SUGCT: variants seen among roughly 807,000 people sequenced by gnomAD.
SUGCT encodes succinyl-CoA:glutarate-CoA transferase.
In SUGCT, 41 loss-of-function variants were observed where a neutral mutation model predicts 55.0. That is an observed-to-expected ratio of 0.74 (90% confidence interval 0.58 to 0.97). The LOEUF is 0.97. SUGCT is among the 50% of genes least tolerant of loss of function. SUGCT has a pLI of 0.00. For missense variants in SUGCT, 568 were observed against 547.8 expected, an observed-to-expected ratio of 1.04 and a Z score of -0.37; for synonymous variants, 187 against 200.4, an observed-to-expected ratio of 0.93 and a Z score of 0.56.
At chr7:40,512,183 C>T (rs986595176) in intron 12 of SUGCT, among the ~76,000 whole-genome samples, 9 of 152,172 alleles carry the variant, frequency 5.9e-5, no homozygotes, top group African/African-American at 2.2e-4. Flanking sequence ...AATGGTGTAT[C>T]ACCAAAATTG....
intron 9 of SUGCT, among the ~76,000 whole-genome samples, chr7:40,328,895 G>A (rs1247074558): frequency 1.3e-5 from 2 of 152,162 alleles, no homozygotes; most frequent in Non-Finnish European, 2.9e-5. Context: ...TGGAGGCCTA[G>A]GTGGGAAGAG....
At chr7:40,155,458 G>A (rs763717341) in intron 1 of SUGCT, among the ~76,000 whole-genome samples, 19 of 152,052 alleles carry the variant, frequency 1.2e-4, no homozygotes, top group African/African-American at 3.9e-4. Context: ...GACACTGCTC[G>A]TTTTTGTGAG....
chr7:40,843,918 A>G (rs1164884515), intron 13 of SUGCT, among the ~76,000 whole-genome samples: 1 of 152,124 alleles, frequency 6.6e-6, no homozygotes, highest in East Asian at 1.9e-4. Context: ...GCTGGTAGTG[A>G]TATTTCCCTT....
chr7:40,489,642 C>T (rs542210251), intron 11 of SUGCT, among the ~76,000 whole-genome samples: 10 of 152,168 alleles, frequency 6.6e-5, no homozygotes, highest in Non-Finnish European at 1.3e-4. Context: ...GATCACACCA[C>T]TGCACTCTAG....
chr7:40,439,881 A>T (rs183686571), intron 9 of SUGCT, among the ~76,000 whole-genome samples: 2 of 152,252 alleles, frequency 1.3e-5, no homozygotes, highest in East Asian at 3.9e-4. Context: ...ATTCATGTCA[A>T]ACTGCATTCT....
At chr7:40,912,091 A>G in the SUGCT span, among the ~76,000 whole-genome samples, 5 of 152,058 alleles carry the variant, frequency 3.3e-5, no homozygotes, top group Middle Eastern at 3.4e-3. Flanking sequence ...GGAATAGAGG[A>G]TGCTTCACTT....
intron 7 of SUGCT, among the ~76,000 whole-genome samples, chr7:40,264,426 C>CAA (rs1313018571): frequency 4.6e-5 from 7 of 152,068 alleles, no homozygotes; most frequent in Admixed American, 3.9e-4. Context: ...TTTTTAGTAT[C>CAA]AATTAGTGGT....
chr7:40,361,062 T>C (rs1445260667), intron 9 of SUGCT, among the ~76,000 whole-genome samples: 1 of 152,138 alleles, frequency 6.6e-6, no homozygotes, highest in Admixed American at 6.5e-5. Context: ...CTTAGGTGTT[T>C]TACTTCAGCC....
At chr7:40,998,460 G>A in the SUGCT span, among the ~76,000 whole-genome samples, 1 of 152,112 alleles carries the variant, frequency 6.6e-6, no homozygotes, top group East Asian at 1.9e-4. Flanking sequence ...GAACAAGGAT[G>A]ACATGAAAAA....
intron 9 of SUGCT, among the ~76,000 whole-genome samples, chr7:40,391,661 T>G (rs998455554): frequency 2.0e-5 from 3 of 152,188 alleles, no homozygotes; most frequent in Admixed American, 6.5e-5. Context: ...TGTGGAGAAA[T>G]AGGAACACTT....
chr7:40,867,252 T>A, the SUGCT span, among the ~76,000 whole-genome samples: 1 of 149,954 alleles, frequency 6.7e-6, no homozygotes, highest in Admixed American at 6.7e-5. Context: ...ATATAATATA[T>A]GATATATATA....
At position 40,663,480 on chromosome 7, in the gene SUGCT, G is replaced by GGTGT. The variant is rs1284850752; in HGVS notation, c.1090-85953_1090-85950dup. Among the ~76,000 whole-genome samples the GGTGT allele has an allele frequency of 1.5e-3, 210 of 136,426 alleles. 1 individual carries two copies. Among genetic ancestry groups the GGTGT allele is most frequent in the African/African-American group, 6.2e-3 (203 of 32,804 alleles). The allele number at this position is 136,426 out of a possible 152,430, so 89.5% of individuals were successfully genotyped here. Reference sequence around the variant, plus strand: ...CACTATATTCACCAAATTACTTTGTGGTGTATGTGTGTGTGTGTGTGTGTG... The same window carrying GGTGT: ...CACTATATTCACCAAATTACTTTGTGGTGTGTGTATGTGTGTGTGTGTGTGTGTG... On this transcript the variant is annotated intron_variant, in intron 12 of 13. Coordinates refer to ENST00000335693, the MANE Select transcript of SUGCT (RefSeq NM_001193313.2).
chr7:40,646,097 A>G (rs552061187), intron 12 of SUGCT, among the ~76,000 whole-genome samples: 2 of 152,292 alleles, frequency 1.3e-5, no homozygotes, highest in South Asian at 4.1e-4. Flanking sequence ...TGACCCCACC[A>G]GCCAGCCATT....
chr7:40,288,039 A>C (rs1320324398), intron 8 of SUGCT, among the ~76,000 whole-genome samples: 3 of 152,110 alleles, frequency 2.0e-5, no homozygotes, highest in Admixed American at 2.0e-4. Flanking sequence ...CAGTTGGTCA[A>C]GTTGTATGAT....
the SUGCT span, among the ~76,000 whole-genome samples, chr7:40,914,499 A>G: frequency 6.6e-6 from 1 of 152,086 alleles, no homozygotes; most frequent in Non-Finnish European, 1.5e-5. Context: ...GCTATGCTTG[A>G]TACCTCAGAT....
At chr7:40,247,474 T>A (rs1397930619) in intron 7 of SUGCT, among the ~76,000 whole-genome samples, 1 of 152,084 alleles carries the variant, frequency 6.6e-6, no homozygotes, top group Non-Finnish European at 1.5e-5. Context: ...GCCAGGCTGG[T>A]TTTGAACTCC....
chr7:40,845,859 A>C (rs1261741861), intron 13 of SUGCT, among the ~76,000 whole-genome samples: 2 of 152,188 alleles, frequency 1.3e-5, no homozygotes, highest in South Asian at 4.1e-4. Flanking sequence ...GGTTGATATA[A>C]GACTAATTCT....
chr7:40,857,819 T>C (rs891017250), intron 13 of SUGCT, among the ~76,000 whole-genome samples: 1 of 152,222 alleles, frequency 6.6e-6, no homozygotes, highest in Non-Finnish European at 1.5e-5. Context: ...AGTAGATTAA[T>C]GGTTGCCTGG....
At chr7:40,337,572 C>T (rs1796785876) in intron 9 of SUGCT, among the ~76,000 whole-genome samples, 2 of 152,006 alleles carry the variant, frequency 1.3e-5, no homozygotes, top group African/African-American at 2.4e-5. Flanking sequence ...GATTGCAACC[C>T]CTGCCTTTTT....
Sources: allele counts gnomAD v4.1 joint callset (sites outside exome capture counted in the v4.1 genomes callset), GRCh38; gene constraint gnomAD v4.1.1; transcripts MANE v1.5; gene names NCBI Gene and HGNC (gene_info 2026-07-23, HGNC 2026-07-21).